Variants in PCDH15 observed in about 807,000 individuals in gnomAD.
The protein encoded by PCDH15 is protocadherin-15.
Under a neutral mutation model 178.5 loss-of-function variants are expected in PCDH15, and 129 were observed. That is an observed-to-expected ratio of 0.72 (90% CI 0.63 to 0.84). The LOEUF is 0.84. PCDH15 is among the 40% of genes least tolerant of loss of function. The pLI is 0.00. For missense variants in PCDH15, 2,230 were observed against 2,099.9 expected (o/e 1.06, Z -1.21); for synonymous variants, 800 against 732.0 (o/e 1.09, Z -1.50).
intron 26 of PCDH15, among the ~76,000 whole-genome samples, chr10:53,886,341 C>T (rs1214244173): frequency 6.6e-6 from 1 of 152,168 alleles, no homozygotes; most frequent in Non-Finnish European, 1.5e-5. Context: ...TTAAATAAAA[C>T]CTCACATTTG....
In PCDH15 at chr10:54,378,566, T is replaced by C. The variant is rs985971787; in HGVS notation, c.318+216A>G. ...TCTTCTTGTTCAGAAATTGACAAGC[T>C]TCCAGGATATTAAAGGGGAAGTCTA... On this transcript the variant is annotated intron_variant, in intron 4 of 37. Transcript: ENST00000644397. Among the ~76,000 whole-genome samples, 3 of 152,202 alleles carry C rather than the reference T, an allele frequency of 2.0e-5. No homozygotes were observed. The South Asian group carries it at 6.2e-4, about 32-fold the overall frequency.
At chr10:54,488,144 GTT>G in intron 3 of PCDH15, among the ~76,000 whole-genome samples, 1 of 151,608 alleles carries the variant, frequency 6.6e-6, no homozygotes, top group Non-Finnish European at 1.5e-5. Flanking sequence ...TTTTCATACT[GTT>G]TTACTATTGA....
At position 54,701,151 on chromosome 10, in the gene PCDH15, T is replaced by C. The variant is rs148814558; in HGVS notation, c.-28-36861A>G. ...AATTGGAGAGGAAATACAATAACCTTAAAGATAATCTGGGTCTTATCTAAT... is the reference window on the plus strand; with the variant it reads ...AATTGGAGAGGAAATACAATAACCTCAAAGATAATCTGGGTCTTATCTAAT... On this transcript the variant is annotated intron_variant, in intron 1 of 37. Transcript: ENST00000644397. Among the ~76,000 whole-genome samples, 5 of 152,198 alleles carry C rather than the reference T, an allele frequency of 3.3e-5. No homozygotes were observed. In the East Asian group the frequency reaches 7.7e-4, roughly 23 times the overall value.
chr10:54,753,217 T>A (rs1287671275), intron 1 of PCDH15, among the ~76,000 whole-genome samples: 1 of 152,096 alleles, frequency 6.6e-6, no homozygotes, highest in African/African-American at 2.4e-5. Flanking sequence ...AGACAGGGTC[T>A]CTGTCACCCA....
chr10:54,255,631 C>T (rs1385693712), intron 8 of PCDH15, among the ~76,000 whole-genome samples: 1 of 152,080 alleles, frequency 6.6e-6, no homozygotes, highest in East Asian at 1.9e-4. Flanking sequence ...TTTTGCTGAA[C>T]TTATCTAACT....
intron 3 of PCDH15, among the ~76,000 whole-genome samples, chr10:54,393,547 T>C (rs1439669544): frequency 6.6e-6 from 1 of 152,192 alleles, no homozygotes; most frequent in Non-Finnish European, 1.5e-5. Context: ...GGAAAATATA[T>C]CAACTCATTA....
chr10:53,957,321 G>A (rs1394000539), intron 23 of PCDH15, among the ~76,000 whole-genome samples: 1 of 152,062 alleles, frequency 6.6e-6, no homozygotes, highest in Non-Finnish European at 1.5e-5. Context: ...ATAATTTAGT[G>A]AGAAACAAAG....
intron 7 of PCDH15, 118 bp from the exon 8 acceptor site, chr10:54,317,559 G>T: frequency 8.8e-7 from 1 of 1,137,128 alleles, no homozygotes; most frequent in Non-Finnish European, 1.3e-6. Context: ...TGGATCACTT[G>T]AGGTCAGGGG....
chr10:54,717,926 C>A (rs1299631008), intron 1 of PCDH15, among the ~76,000 whole-genome samples: 1 of 145,410 alleles, frequency 6.9e-6, no homozygotes, highest in African/African-American at 2.6e-5. Context: ...GAATACTATG[C>A]AGCCATAAAA....
chr10:54,767,741 C>A (rs1164373025), intron 1 of PCDH15, among the ~76,000 whole-genome samples: 4 of 152,126 alleles, frequency 2.6e-5, no homozygotes, highest in Admixed American at 2.6e-4. Flanking sequence ...ACCAACAAAT[C>A]CCAACACATG....
chr10:53,928,643 G>T (rs1333947774), intron 25 of PCDH15, among the ~76,000 whole-genome samples: 1 of 151,948 alleles, frequency 6.6e-6, no homozygotes, highest in Admixed American at 6.6e-5. Context: ...CAGTTCTTCT[G>T]TGCATAGTTT....
intron 2 of PCDH15, among the ~76,000 whole-genome samples, chr10:54,618,860 T>A (rs373036753): frequency 3.7e-4 from 56 of 152,086 alleles, no homozygotes; most frequent in African/African-American, 1.3e-3. Flanking sequence ...GAGATAGCTA[T>A]ATATAGAGAC....
chr10:53,907,566 C>T (rs919445069), intron 25 of PCDH15, among the ~76,000 whole-genome samples: 2 of 152,120 alleles, frequency 1.3e-5, no homozygotes, highest in Non-Finnish European at 2.9e-5. Flanking sequence ...TGCTTTGGGG[C>T]ACCCTGCCTT....
intron 3 of PCDH15, among the ~76,000 whole-genome samples, chr10:54,825,839 C>T (rs1208293300): frequency 6.6e-6 from 1 of 152,014 alleles, no homozygotes; most frequent in African/African-American, 2.4e-5. Context: ...AGGATATGTA[C>T]TTAATTAGTG....
chr10:54,511,364 C>G (rs563593622), intron 3 of PCDH15, among the ~76,000 whole-genome samples: 1 of 152,238 alleles, frequency 6.6e-6, no homozygotes, highest in South Asian at 2.1e-4. Flanking sequence ...TTTGCCCTCA[C>G]TCTCCTCTGA....
rs370200250 is a variant in PCDH15 at position 53,959,758 on chromosome 10, G to C, written c.3096C>G (p.Ile1032Met). The change falls in exon 23 of 38, where the codon ATC becomes ATG. Residue 1032 changes from isoleucine (I) to methionine (M), a missense_variant. Physicochemically the swap from Ile to Met is conservative, Grantham distance 10. Transcript: ENST00000644397. ...TATATTCCTCCTGTGTGAAGCGTGG[G>C]ATCTCACCAGGATGTAAGACAAGAA... ...VKILVLHPGE[I>M]PRFTQEEYRP... The C allele has an allele frequency of 1.2e-6, 2 of 1,613,564 alleles. No homozygotes were observed. Among genetic ancestry groups the C allele is most frequent in the Admixed American group, 3.3e-5 (2 of 60,004 alleles).
intron 2 of PCDH15, among the ~76,000 whole-genome samples, chr10:55,434,077 C>CT (rs60921527): frequency 0.014 from 1,285 of 90,708 alleles, 92 homozygotes; most frequent in Middle Eastern, 0.038. Flanking sequence ...CTTTTCTTTT[C>CT]TTTTTTTTTT....
rs1393374073 is a variant in PCDH15, at chr10:55,544,135, CATACATATATATATATATAT to C, written c.-156+83470_-156+83489del. ...GCTCCAGTTTTCCTCAAATCTTATA[CATACATATATATATATATAT>C]ATATATATATATATATATATTATAC... is the stretch of plus-strand genomic sequence containing the variant. On this transcript the variant is annotated intron_variant, in intron 2 of 5. Coordinates refer to the PCDH15 transcript ENST00000613346. 2.0e-3 allele frequency among the ~76,000 whole-genome samples: 195 copies of C among 96,206 alleles called. 2 individuals carry two copies. The highest frequency in any genetic ancestry group is 7.4e-3 in the African/African-American group (179 of 24,146). The allele number at this position is 96,206 out of a possible 152,430, so 63.1% of individuals were successfully genotyped here. A position where few individuals can be genotyped will look rare whatever the true frequency, so the allele number is the denominator to read the frequency against.
At chr10:54,714,770 T>A (rs1277748542) in intron 1 of PCDH15, among the ~76,000 whole-genome samples, 12 of 152,154 alleles carry the variant, frequency 7.9e-5, no homozygotes, top group Non-Finnish European at 1.6e-4. Context: ...GGACTCCTGT[T>A]TTTATTCCCA....
Sources: gnomAD v4.1 joint callset for allele counts (sites outside exome capture counted in the v4.1 genomes callset) on GRCh38, gnomAD v4.1.1 for gene constraint, MANE v1.5 for transcripts, NCBI Gene and HGNC (gene_info 2026-07-23, HGNC 2026-07-21) for gene names.